The following NEO1 variants were observed in gnomAD, a reference collection of about 807,000 sequenced individuals.
NEO1 encodes neogenin.
Under a neutral mutation model 159.7 loss-of-function variants are expected in NEO1, and 63 were observed. The ratio of observed to expected loss-of-function variants is 0.39; its 90% CI spans 0.32 to 0.49. The LOEUF is 0.49. Among genes scored for constraint, NEO1 ranks in the 20% least tolerant of loss-of-function variants. The probability of loss-of-function intolerance (pLI) is 0.85; values close to 1 mark genes in which losing one functional copy is unlikely to be tolerated. For missense variants in NEO1, 1,615 were observed against 1,831.0 expected (o/e 0.88, Z 2.15); for synonymous variants, 633 against 662.0 (o/e 0.96, Z 0.67).
At chr15:73,160,105 C>T (rs527703041) in intron 5 of NEO1, among the ~76,000 whole-genome samples, 4 of 151,928 alleles carry the variant, frequency 2.6e-5, no homozygotes, top group Admixed American at 6.6e-5. Flanking sequence ...TCTGTTTTCC[C>T]CCTGTTCATT....
chr15:73,252,925 G>A (rs1453801399), intron 11 of NEO1, among the ~76,000 whole-genome samples: 1 of 152,186 alleles, frequency 6.6e-6, no homozygotes, highest in African/African-American at 2.4e-5. Flanking sequence ...AGGAGGCAGA[G>A]GTTGCTGTGA....
intron 5 of NEO1, among the ~76,000 whole-genome samples, chr15:73,163,470 T>C (rs2034336210): frequency 6.6e-6 from 1 of 152,140 alleles, no homozygotes; most frequent in African/African-American, 2.4e-5. Context: ...TACATGTACA[T>C]CTACAAATAA....
chr15:73,064,608 G>A (rs2068121212), intron 1 of NEO1, among the ~76,000 whole-genome samples: 1 of 152,018 alleles, frequency 6.6e-6, no homozygotes, highest in Non-Finnish European at 1.5e-5. Flanking sequence ...GGGACTACAG[G>A]TGCACACCAC....
At chr15:73,123,835 T>C (rs2071814401) in intron 3 of NEO1, among the ~76,000 whole-genome samples, 2 of 152,178 alleles carry the variant, frequency 1.3e-5, no homozygotes, top group African/African-American at 2.4e-5. Context: ...GGAAGAGTTA[T>C]ATGTCTATTA....
rs138244843 is a variant in NEO1, at chr15:73,278,219, G to A, written c.3262+20G>A. 68 of 1,605,890 alleles carry A rather than the reference G, an allele frequency of 4.2e-5. 1 individual carries two copies. The South Asian group carries it at 5.1e-4, about 12-fold the overall frequency. ...TGAGCGGTAAAGCCTTTCCCATGGC[G>A]TTTTTTGCTTACTATGGACATGAAG... is the stretch of plus-strand genomic sequence containing the variant. On this transcript the variant is annotated intron_variant, in intron 22 of 28. Transcript: ENST00000261908.
chr15:73,232,228 C>T (rs2038948550), intron 7 of NEO1, among the ~76,000 whole-genome samples: 1 of 152,148 alleles, frequency 6.6e-6, no homozygotes, highest in Admixed American at 6.6e-5. Flanking sequence ...TAATAACTTG[C>T]CTGTACTAAA....
rs532047734 is a variant in NEO1 at position 73,117,425 on chromosome 15, G to A, written c.448+568G>A. On this transcript the variant is annotated intron_variant, in intron 2 of 28. Transcript: ENST00000261908. ...TAAGAAAAATTAGGGATCTTGAAGAGTAAGATGTGGTTTCTAAGTAAGTCA... is the reference window on the plus strand; with the variant it reads ...TAAGAAAAATTAGGGATCTTGAAGAATAAGATGTGGTTTCTAAGTAAGTCA... Among the ~76,000 whole-genome samples the A allele has an allele frequency of 3.3e-5, 5 of 152,312 alleles. No individual in the cohort carries two copies. In the South Asian group the frequency reaches 1.0e-3, roughly 32 times the overall value.
At chr15:73,233,325 A>G (rs1435826641) in intron 7 of NEO1, among the ~76,000 whole-genome samples, 1 of 152,184 alleles carries the variant, frequency 6.6e-6, no homozygotes, top group Non-Finnish European at 1.5e-5. Context: ...TTCCCTGTAT[A>G]ACTAATAAAA....
intron 5 of NEO1, among the ~76,000 whole-genome samples, chr15:73,158,985 A>G (rs1002471046): frequency 1.1e-4 from 17 of 152,210 alleles, no homozygotes; most frequent in African/African-American, 2.2e-4. Context: ...GTGAGTAGCG[A>G]GGTGTGGTAA....
intron 8 of NEO1, among the ~76,000 whole-genome samples, chr15:73,240,136 A>G (rs1389025216): frequency 1.3e-5 from 2 of 152,220 alleles, no homozygotes; most frequent in African/African-American, 2.4e-5. Flanking sequence ...CTGGTGAGAT[A>G]TGCGTCAATA....
At chr15:73,172,095 A>G (rs2035011991) in intron 5 of NEO1, among the ~76,000 whole-genome samples, 1 of 152,144 alleles carries the variant, frequency 6.6e-6, no homozygotes, top group Admixed American at 6.5e-5. Context: ...GAGGCTGGGA[A>G]TGGAATGGAT....
chr15:73,193,175 ATTTG>A (rs2036333375), intron 7 of NEO1, among the ~76,000 whole-genome samples: 1 of 152,076 alleles, frequency 6.6e-6, no homozygotes, highest in Non-Finnish European at 1.5e-5. Flanking sequence ...TTAAAAACTA[ATTTG>A]TTTTGTTAAC....
intron 1 of NEO1, among the ~76,000 whole-genome samples, chr15:73,088,612 G>T (rs572286224): frequency 2.0e-5 from 3 of 152,054 alleles, no homozygotes; most frequent in Non-Finnish European, 4.4e-5. Context: ...AGGAGGCAAG[G>T]CTATCTTAAT....
intron 4 of NEO1, among the ~76,000 whole-genome samples, chr15:73,132,742 T>C (rs555263529): frequency 2.5e-4 from 38 of 152,202 alleles, no homozygotes; most frequent in African/African-American, 8.9e-4. Context: ...TAGACAATTC[T>C]CAAAAGAAGA....
At chr15:73,113,425 C>T (rs746937666) in intron 1 of NEO1, among the ~76,000 whole-genome samples, 7 of 152,008 alleles carry the variant, frequency 4.6e-5, no homozygotes, top group Non-Finnish European at 1.0e-4. Context: ...GAAAACTGTA[C>T]AAAGATAGAT....
intron 27 of NEO1, among the ~76,000 whole-genome samples, chr15:73,300,546 A>G (rs11630806): frequency 0.013 from 1,999 of 152,292 alleles, 25 homozygotes; most frequent in Middle Eastern, 0.024. Context: ...CCTGGCCACC[A>G]TGGTGAAACC....
chr15:73,112,021 C>T (rs531453381), intron 1 of NEO1, among the ~76,000 whole-genome samples: 14 of 152,238 alleles, frequency 9.2e-5, no homozygotes, highest in Non-Finnish European at 1.3e-4. Flanking sequence ...TATCTTTCCT[C>T]TACTCCCTTT....
At chr15:73,166,651 A>G (rs2034588504) in intron 5 of NEO1, among the ~76,000 whole-genome samples, 2 of 152,230 alleles carry the variant, frequency 1.3e-5, no homozygotes, top group Non-Finnish European at 2.9e-5. Flanking sequence ...GGTTGTAGGT[A>G]GATTTTCTGA....
At chr15:73,053,681 A>G (rs1433956788) in intron 1 of NEO1, among the ~76,000 whole-genome samples, 3 of 152,244 alleles carry the variant, frequency 2.0e-5, no homozygotes, top group Non-Finnish European at 2.9e-5. Context: ...AAAAATGCCA[A>G]GCCTTCCGGG....
Sources: gnomAD v4.1 joint callset for allele counts (sites outside exome capture counted in the v4.1 genomes callset) on GRCh38, gnomAD v4.1.1 for gene constraint, MANE v1.5 for transcripts, NCBI Gene and HGNC (gene_info 2026-07-23, HGNC 2026-07-21) for gene names.